The following FAM200A variants were observed in gnomAD, a reference collection of about 807,000 sequenced individuals.
FAM200A encodes ZBED8 like, also known as protein FAM200A.
In FAM200A, 26 loss-of-function variants were observed where a neutral mutation model predicts 44.2. The ratio of observed to expected loss-of-function variants is 0.59; its 90% CI spans 0.43 to 0.82. The LOEUF is 0.82. Ranked by LOEUF, FAM200A falls within the 40% of genes least tolerant of loss-of-function variation. FAM200A has a pLI of 0.00. For missense variants in FAM200A, 606 were observed against 669.5 expected (o/e 0.91, Z 1.05); for synonymous variants, 206 against 244.4 (o/e 0.84, Z 1.47).
chr7:99,552,112 C>T lies in FAM200A; in HGVS notation c.-358G>A. The T allele has an allele frequency of 1.0e-6, 1 of 985,496 alleles. No homozygotes were observed. The highest frequency in any genetic ancestry group is 1.2e-6 in the Non-Finnish European group (1 of 829,956). The allele number at this position is 985,496 out of a possible 1,614,324, so 61.0% of individuals were successfully genotyped here. On this transcript the variant is annotated 5_prime_UTR_variant, in exon 1 of 2. Transcript: ENST00000449309. ...GGCCTTCAGAGCCCAGGGAAAGCGT[C>T]ACAAAAGCCGGAAGTGCGTCACACC...
chr7:99,553,050 C>T (rs181100759), upstream of FAM200A, among the ~76,000 whole-genome samples: 115 of 115,728 alleles, frequency 9.9e-4, no homozygotes, highest in Admixed American at 1.9e-3. Flanking sequence ...TATACACACA[C>T]ATATATATAT....
Position 99,547,810 on chromosome 7 carries a change from T to C in FAM200A, c.598A>G (p.Lys200Glu), listed in dbSNP as rs755887299. ...CCTTTACAATGTTTCCAGTTTAATT[T>C]ATACTGACCAAGAAGGCAGTTTTCT... is the stretch of plus-strand genomic sequence containing the variant. ...ELENCLLGQY[K>E]LNWKHCKGIS... The change falls in exon 2 of 2, where the codon AAA becomes GAA. Residue 200 changes from lysine to glutamate, a missense_variant. Physicochemically the swap from Lys to Glu is moderately conservative, Grantham distance 56 (BLOSUM62 1). Transcript: ENST00000449309. The C allele has an allele frequency of 1.3e-6, 2 of 1,551,606 alleles. No homozygotes were observed. The highest frequency in any genetic ancestry group is 1.7e-6 in the Non-Finnish European group (2 of 1,146,976).
intron 1 of FAM200A, among the ~76,000 whole-genome samples, chr7:99,557,356 G>C (rs1228611123): frequency 6.6e-6 from 1 of 152,172 alleles, no homozygotes; most frequent in Non-Finnish European, 1.5e-5. Flanking sequence ...CCTGTGAAGG[G>C]TTCTAGGTGG....
intron 1 of FAM200A, among the ~76,000 whole-genome samples, chr7:99,549,190 T>TCGGTGTC: frequency 3.6e-5 from 5 of 139,112 alleles, no homozygotes; most frequent in East Asian, 5.8e-4. Context: ...AAATAAGAAA[T>TCGGTGTC]TAAGCTGCAT....
chr7:99,547,617 G>GC lies in FAM200A; in HGVS notation c.790dup (p.Ala264GlyfsTer6), dbSNP rs1802420171. Reference sequence around the variant, plus strand: ...TTTAATAAAATTAACAGTTTTCACTGCATTTTTCAATACATCCATCAGACT... The same window carrying GC: ...TTTAATAAAATTAACAGTTTTCACTGCCATTTTTCAATACATCCATCAGACT... On this transcript the variant is annotated frameshift_variant, in exon 2 of 2. Transcript: ENST00000449309. LOFTEE classifies it high-confidence loss of function. The GC allele has an allele frequency of 6.4e-7, 1 of 1,551,234 alleles. No individual in the cohort carries two copies.
upstream of FAM200A, among the ~76,000 whole-genome samples, chr7:99,557,081 A>G (rs1802708146): frequency 1.3e-5 from 2 of 152,198 alleles, no homozygotes; most frequent in South Asian, 4.1e-4. Context: ...CAATTTTTTG[A>G]GTTGTTTCCA....
rs1410908098 is a variant in FAM200A at position 99,547,027 on chromosome 7, G to C, written c.1381C>G (p.Pro461Ala). ...WMKDPFAFQN[P>A]ESIIELNLEP... is the part of the protein sequence containing the mutation. ...AAGTTTAACTCAATTATTGATTCTG[G>C]GTTTTGAAAAGCAAATGGATCTTTC... The change falls in exon 2 of 2, where the codon CCA (proline) becomes GCA (alanine). Residue 461 changes from proline to alanine, a missense_variant. Transcript: ENST00000449309. The C allele has an allele frequency of 2.6e-6, 4 of 1,547,350 alleles. No individual in the cohort carries two copies. Among genetic ancestry groups the C allele is most frequent in the African/African-American group, 1.4e-5 (1 of 72,834 alleles).
rs550449842 is a variant in FAM200A at position 99,558,491 on chromosome 7, A to G, written c.-291T>C. The G allele has an allele frequency of 2.0e-5, 3 of 152,516 alleles. No homozygotes were observed. The East Asian group carries it at 5.8e-4, about 30-fold the overall frequency. 9.4% of individuals were successfully genotyped at this position (152,516 alleles called of 1,614,324 possible). On this transcript the variant is annotated 5_prime_UTR_variant, in exon 1 of 2. Transcript: ENST00000408938. ...AAAAGCTGCGAAAACGAGCCTTCGA[A>G]TCATGGACGCGCGGGCCCAGCTCCT...
chr7:99,553,100 T>TATATATATATATA (rs1491325197), upstream of FAM200A, among the ~76,000 whole-genome samples: 13 of 57,192 alleles, frequency 2.3e-4, no homozygotes, highest in African/African-American at 1.3e-3. Context: ...TATATATATA[T>TATATATATATATA]TTTTTTTTTT....
rs1477046713 is a variant in FAM200A, at chr7:99,546,892, A to C, written c.1516T>G (p.Phe506Val). 1.3e-6 allele frequency: 2 copies of C among 1,549,746 alleles called. No homozygotes were observed. Among genetic ancestry groups the C allele is most frequent in the Admixed American group, 4.0e-5 (2 of 50,612 alleles). ...ATACTCTTCCTACTTAGCAGTGGAAAGTCATCTTTAATCTTAATCCAAAAT... is the reference window on the plus strand; with the variant it reads ...ATACTCTTCCTACTTAGCAGTGGAACGTCATCTTTAATCTTAATCCAAAAT... ...SAFWIKIKDD[F>V]PLLSRKSILL... Residue 506 changes from phenylalanine to valine, a missense_variant, in exon 2 of 2, where the codon TTT becomes GTT. Physicochemically the swap from Phe to Val is conservative, Grantham distance 50. Coordinates refer to ENST00000449309, the MANE Select transcript of FAM200A (RefSeq NM_145111.4).
intron 1 of FAM200A, among the ~76,000 whole-genome samples, chr7:99,557,944 C>G (rs1802752201): frequency 6.6e-6 from 1 of 152,198 alleles, no homozygotes; most frequent in African/African-American, 2.4e-5. Flanking sequence ...AGCAAGGTGT[C>G]AGAATGTCCT....
chr7:99,552,992 T>C (rs1005424079), upstream of FAM200A, among the ~76,000 whole-genome samples: 3 of 144,828 alleles, frequency 2.1e-5, no homozygotes, highest in Admixed American at 7.0e-5. Context: ...TATACACACA[T>C]ATATATACAC....
Position 99,551,881 on chromosome 7 carries a change from G to T in FAM200A, c.-127C>A. On this transcript the variant is annotated 5_prime_UTR_variant, in exon 1 of 2. Transcript: ENST00000449309. Reference sequence around the variant, plus strand: ...GTATCCAGGGACACCTCTGCTGGGGGACAGCGCTTGCCACCGCCGAGGCTG... The same window carrying T: ...GTATCCAGGGACACCTCTGCTGGGGTACAGCGCTTGCCACCGCCGAGGCTG... 3 of 985,524 alleles carry T rather than the reference G, an allele frequency of 3.0e-6. No individual in the cohort carries two copies. The highest frequency in any genetic ancestry group is 3.6e-6 in the Non-Finnish European group (3 of 830,024). 61.0% of individuals were successfully genotyped at this position (985,524 alleles called of 1,614,324 possible). A position where few individuals can be genotyped will look rare whatever the true frequency, so the allele number is the denominator to read the frequency against.
chr7:99,554,542 C>A (rs1271154961), upstream of FAM200A, among the ~76,000 whole-genome samples: 1 of 151,394 alleles, frequency 6.6e-6, no homozygotes, highest in Admixed American at 6.6e-5. Flanking sequence ...CCACGCACAG[C>A]CTCTATCCCT....
rs887259635 is a variant in FAM200A at position 99,551,913 on chromosome 7, G to A, written c.-159C>T. 4.1e-5 allele frequency: 40 copies of A among 985,450 alleles called. No individual in the cohort carries two copies. Among genetic ancestry groups the A allele is most frequent in the Non-Finnish European group, 4.8e-5 (40 of 830,032 alleles). 61.0% of individuals were successfully genotyped at this position (985,450 alleles called of 1,614,324 possible). On this transcript the variant is annotated 5_prime_UTR_variant, in exon 1 of 2. Transcript: ENST00000449309. ...CTTGCCACCGCCGAGGCTGGCGCGAGGAACGGGGGCACGGACCCGCTTCCA... is the reference window on the plus strand; with the variant it reads ...CTTGCCACCGCCGAGGCTGGCGCGAAGAACGGGGGCACGGACCCGCTTCCA...
chr7:99,553,070 CATATATATATATATAT>C (rs1178743418), upstream of FAM200A, among the ~76,000 whole-genome samples: 2 of 74,030 alleles, frequency 2.7e-5, no homozygotes, highest in Non-Finnish European at 4.8e-5. Context: ...TATACACACA[CATATATATATATATAT>C]ATATATATAT....
chr7:99,548,083 G>T lies in FAM200A; in HGVS notation c.325C>A (p.Pro109Thr). 1.3e-6 allele frequency: 2 copies of T among 1,551,608 alleles called. No individual in the cohort carries two copies. The highest frequency in any genetic ancestry group is 1.7e-6 in the Non-Finnish European group (2 of 1,146,982). The change falls in exon 2 of 2, where the codon CCT becomes ACT. Residue 109 changes from proline to threonine, a missense_variant. Transcript: ENST00000449309. ...CGAGATATTGTATTATCACTAAGAGGTATAGTTCTTAGTTTATCAGCTGAT... is the reference window on the plus strand; with the variant it reads ...CGAGATATTGTATTATCACTAAGAGTTATAGTTCTTAGTTTATCAGCTGAT... The part of the protein sequence containing the change: ...DKSADKLRTI[P>T]LSDNTISRRI...
chr7:99,548,561 G>T, intron 1 of FAM200A, 55 bp from the exon 2 acceptor site: 1 of 1,340,204 alleles, frequency 7.5e-7, no homozygotes, highest in Non-Finnish European at 1.0e-6. Context: ...GTATTGCTGG[G>T]CTAACAACTC....
At chr7:99,553,320 T>C (rs1802609960), upstream of FAM200A, among the ~76,000 whole-genome samples, 1 of 151,688 alleles carries the variant, frequency 6.6e-6, no homozygotes. Flanking sequence ...AAGTCTCTCC[T>C]CCCCACCCGT....
Sources: gnomAD v4.1 joint callset for allele counts (sites outside exome capture counted in the v4.1 genomes callset) on GRCh38, gnomAD v4.1.1 for gene constraint, MANE v1.5 for transcripts, NCBI Gene and HGNC (gene_info 2026-07-23, HGNC 2026-07-21) for gene names.